SP140: variants seen among roughly 807,000 people sequenced by gnomAD.
SP140 encodes the protein SP140 nuclear body protein, also known as nuclear body protein SP140.
In SP140, 81 loss-of-function variants were observed where a neutral mutation model predicts 125.0. That is an observed-to-expected ratio of 0.65 (90% CI 0.54 to 0.78). The LOEUF (loss-of-function observed/expected upper bound fraction) is 0.78, where lower values mean the gene tolerates loss of function less well. Ranked by LOEUF, SP140 falls within the 30% of genes least tolerant of loss-of-function variation. The probability of loss-of-function intolerance (pLI) is 0.00; values close to 1 mark genes in which losing one functional copy is unlikely to be tolerated. For synonymous variants in SP140, 312 were observed against 354.0 expected, an observed-to-expected ratio of 0.88 and a Z score of 1.33; for missense variants, 858 against 1,037.0, an observed-to-expected ratio of 0.83 and a Z score of 2.37.
chr2:230,315,117 A>T (rs543266666), downstream of SP140, among the ~76,000 whole-genome samples: 175 of 152,362 alleles, frequency 1.1e-3, no homozygotes, highest in Middle Eastern at 3.4e-3. Context: ...TAATCAAAAA[A>T]GATTGGACAT....
intron 22 of SP140, among the ~76,000 whole-genome samples, chr2:230,298,941 G>C (rs2058022962): frequency 6.6e-6 from 1 of 152,178 alleles, no homozygotes; most frequent in South Asian, 2.1e-4. Context: ...CAGAATCTCT[G>C]GTGTTGGGTT....
Position 230,292,704 on chromosome 2 carries a change from T to G in SP140, c.1884T>G (p.Phe628Leu). 1 of 1,614,214 alleles carries G rather than the reference T, an allele frequency of 6.2e-7. No individual in the cohort carries two copies. The highest frequency in any genetic ancestry group is 8.5e-7 in the Non-Finnish European group (1 of 1,180,040). ...GAAAATGGTTCACCCCCACGGAATT[T>G]GAAATCAAAGGAGGCCATGCAAGAT... ...EDGKWFTPTE[F>L]EIKGGHARSK... Residue 628 changes from phenylalanine to leucine, a missense_variant, in exon 20 of 27, where the codon TTT becomes TTG. Around this residue, in one of 4 missense-constraint regions of SP140, gnomAD observed 791 missense variants for 869.5 expected, o/e 0.91. Transcript: ENST00000392045.
chr2:230,235,604 C>A (rs1045294542), intron 1 of SP140, among the ~76,000 whole-genome samples: 1 of 152,048 alleles, frequency 6.6e-6, no homozygotes, highest in African/African-American at 2.4e-5. Flanking sequence ...ATGACCATTT[C>A]CTGGTGGGAT....
intron 1 of SP140, 56 bp downstream of exon 1, chr2:230,225,959 A>G (rs2046274805): frequency 7.2e-7 from 1 of 1,395,686 alleles, no homozygotes; most frequent in African/African-American, 1.4e-5. Flanking sequence ...GTTCCCTTTC[A>G]TACTTGTTAT....
intron 15 of SP140, among the ~76,000 whole-genome samples, chr2:230,282,947 G>T (rs555413362): frequency 6.6e-6 from 1 of 152,292 alleles, no homozygotes; most frequent in South Asian, 2.1e-4. Flanking sequence ...CTGGGGAGAG[G>T]GTGGGCATAT....
chr2:230,217,677 G>T (rs983546408), intron 3 of SP140, among the ~76,000 whole-genome samples: 2 of 152,198 alleles, frequency 1.3e-5, no homozygotes, highest in Non-Finnish European at 2.9e-5. Flanking sequence ...CCCCAGGGTT[G>T]CACAACTAGA....
At chr2:230,263,543 T>C (rs1310665282) in intron 12 of SP140, among the ~76,000 whole-genome samples, 1 of 152,170 alleles carries the variant, frequency 6.6e-6, no homozygotes, top group Admixed American at 6.5e-5. Flanking sequence ...TTAACTTGTA[T>C]TTTATTTTTG....
downstream of SP140, among the ~76,000 whole-genome samples, chr2:230,315,715 C>A (rs1034192417): frequency 2.6e-5 from 4 of 152,092 alleles, no homozygotes; most frequent in African/African-American, 9.7e-5. Context: ...ATATCACATT[C>A]TTGGGGAGTG....
chr2:230,217,560 T>C (rs1441182511), intron 3 of SP140, among the ~76,000 whole-genome samples: 1 of 152,362 alleles, frequency 6.6e-6, no homozygotes, highest in South Asian at 2.1e-4. Flanking sequence ...AAGGGTTTCA[T>C]ATGCAGTAAC....
intron 1 of SP140, among the ~76,000 whole-genome samples, chr2:230,228,533 G>A (rs1241211823): frequency 6.6e-6 from 1 of 152,124 alleles, no homozygotes; most frequent in Non-Finnish European, 1.5e-5. Flanking sequence ...TCTCTTTATA[G>A]TTCTATCAGT....
At chr2:230,272,370 A>T (rs535611768) in intron 15 of SP140, among the ~76,000 whole-genome samples, 1 of 152,124 alleles carries the variant, frequency 6.6e-6, no homozygotes, top group African/African-American at 2.4e-5. Context: ...CTCAAATCTC[A>T]TCTTGAATTG....
At chr2:230,220,773 A>G (rs2045745865), upstream of SP140, among the ~76,000 whole-genome samples, 1 of 152,112 alleles carries the variant, frequency 6.6e-6, no homozygotes, top group Non-Finnish European at 1.5e-5. Context: ...GGAGGCCAAG[A>G]TGGGAGGATT....
At chr2:230,224,677 T>C (rs2046120645), upstream of SP140, among the ~76,000 whole-genome samples, 1 of 152,184 alleles carries the variant, frequency 6.6e-6, no homozygotes, top group Admixed American at 6.5e-5. Flanking sequence ...TTTGCAAACT[T>C]ATGTATGCAA....
chr2:230,212,063 G>A (rs1244059149), intron 1 of SP140, among the ~76,000 whole-genome samples: 2 of 152,190 alleles, frequency 1.3e-5, no homozygotes, highest in African/African-American at 4.8e-5. Flanking sequence ...TAAAAATGAA[G>A]AATGTTGAAA....
At chr2:230,288,593 G>A (rs953739086) in intron 18 of SP140, among the ~76,000 whole-genome samples, 3 of 150,604 alleles carry the variant, frequency 2.0e-5, no homozygotes, top group African/African-American at 7.3e-5. Context: ...TCTACATTAG[G>A]TATTTCTCCT....
intron 22 of SP140, among the ~76,000 whole-genome samples, chr2:230,308,807 G>A (rs1379122429): frequency 6.6e-6 from 1 of 152,236 alleles, no homozygotes; most frequent in Admixed American, 6.5e-5. Context: ...AGGACTTGTA[G>A]ATAGACCATT....
intron 9 of SP140, 103 bp downstream of exon 9, chr2:230,249,071 C>T: frequency 1.3e-6 from 1 of 770,324 alleles, no homozygotes; most frequent in Non-Finnish European, 2.2e-6. Flanking sequence ...CCCTTCTTCA[C>T]ATTCGCATAC....
intron 19 of SP140, among the ~76,000 whole-genome samples, chr2:230,291,585 A>G (rs535461212): frequency 2.0e-5 from 3 of 152,342 alleles, no homozygotes; most frequent in African/African-American, 7.2e-5. Flanking sequence ...TCCACAATGA[A>G]TGTATTAGTA....
chr2:230,203,256 G>A (rs1040958148), exon 1 of SP140: 33 of 172,986 alleles, frequency 1.9e-4, no homozygotes, highest in Admixed American at 1.8e-3. Context: ...ACCCAGAGGA[G>A]GTGCAATGCC....
Sources: allele counts gnomAD v4.1 joint callset (sites outside exome capture counted in the v4.1 genomes callset), GRCh38; gene constraint gnomAD v4.1.1; regional missense constraint gnomAD v4.1.1; transcripts MANE v1.5; gene names NCBI Gene and HGNC (gene_info 2026-07-23, HGNC 2026-07-21).